The following EZH2 variants were observed in gnomAD, a reference collection of about 807,000 sequenced individuals.
The protein encoded by EZH2 is histone-lysine N-methyltransferase EZH2.
In EZH2, 18 loss-of-function variants were observed where a neutral mutation model predicts 98.4. That is an observed-to-expected ratio of 0.18 (90% confidence interval 0.13 to 0.27). The LOEUF is 0.27. Among genes scored for constraint, EZH2 ranks in the 10% least tolerant of loss-of-function variants. The pLI, the probability that EZH2 is intolerant of heterozygous loss-of-function variation, is 1.00. For missense variants in EZH2, 470 were observed against 935.1 expected (o/e 0.50, Z 6.49); for synonymous variants, 338 against 312.3 (o/e 1.08, Z -0.87).
intron 1 of EZH2, chr7:148,883,156 A>G (rs1821253243): frequency 6.6e-6 from 1 of 152,218 alleles, no homozygotes; most frequent in African/African-American, 2.4e-5. Flanking sequence ...AACAGCTTGT[A>G]ATGTTTAAGG....
intron 5 of EZH2, 36 bp from the exon 6 acceptor site, chr7:148,828,916 A>T: frequency 1.9e-6 from 3 of 1,566,838 alleles, no homozygotes; most frequent in Non-Finnish European, 2.6e-6. Flanking sequence ...ACACAGGAGA[A>T]GCAATAATGT....
At chr7:148,838,959 C>T (rs577456471) in intron 3 of EZH2, among the ~76,000 whole-genome samples, 3 of 151,928 alleles carry the variant, frequency 2.0e-5, no homozygotes, top group Admixed American at 6.6e-5. Context: ...GGCCAAGGCA[C>T]AAGAATAGCT....
Position 148,828,826 on chromosome 7 carries a change from T to C in EZH2, c.539A>G (p.Gln180Arg). Residue 180 changes from glutamine (Q) to arginine (R), a missense_variant, in exon 6 of 20, where the codon CAA becomes CGA. Gln to Arg is a conservative substitution (Grantham distance 43). This residue lies in a region of EZH2 where 69 missense variants were observed against 78.3 expected (regional missense o/e 0.88). Transcript: ENST00000320356. ...IFVELVNALG[Q>R]YNDDDDDDDG... ...ATCATCATCGTCATCATCATTATAT[T>C]GACCAAGGGCATTCACCAACTCCAC... 1.2e-6 allele frequency: 2 copies of C among 1,613,790 alleles called. No individual in the cohort carries two copies. The highest frequency in any genetic ancestry group is 1.7e-6 in the Non-Finnish European group (2 of 1,179,948).
chr7:148,832,520 G>A, intron 4 of EZH2, 114 bp downstream of exon 4: 1 of 632,300 alleles, frequency 1.6e-6, no homozygotes, highest in Non-Finnish European at 2.7e-6. Flanking sequence ...GTGTTATTTT[G>A]ATAGCTTTTT....
intron 1 of EZH2, among the ~76,000 whole-genome samples, chr7:148,875,151 C>G (rs1034509896): frequency 3.3e-5 from 5 of 152,078 alleles, no homozygotes; most frequent in Non-Finnish European, 7.4e-5. Flanking sequence ...ATCCATACAC[C>G]TAACAGCATA....
intron 1 of EZH2, among the ~76,000 whole-genome samples, chr7:148,849,549 AGT>A (rs1815129810): frequency 6.6e-6 from 1 of 152,154 alleles, no homozygotes; most frequent in Non-Finnish European, 1.5e-5. Flanking sequence ...AAAGTTTCCA[AGT>A]GTGGCCTTGC....
intron 1 of EZH2, among the ~76,000 whole-genome samples, chr7:148,847,873 T>C (rs1814570912): frequency 6.6e-6 from 1 of 152,244 alleles, no homozygotes; most frequent in Non-Finnish European, 1.5e-5. Context: ...TATTTTTGCC[T>C]CTTGTGCCAC....
chr7:148,876,427 C>CAAAT (rs1300106724), intron 1 of EZH2: 1 of 152,160 alleles, frequency 6.6e-6, no homozygotes, highest in African/African-American at 2.4e-5. Context: ...TCATACCCTT[C>CAAAT]AAATGTGTGC....
At position 148,809,160 on chromosome 7, in the gene EZH2, A is replaced by G. The variant is rs1033841300; in HGVS notation, c.2111-5T>C. 1.9e-6 allele frequency: 3 copies of G among 1,614,024 alleles called. No individual in the cohort carries two copies. The highest frequency in any genetic ancestry group is 8.5e-7 in the Non-Finnish European group (1 of 1,179,872). On this transcript the variant is annotated splice_polypyrimidine_tract_variant and splice_region_variant and intron_variant, in intron 18 of 19. Coordinates refer to ENST00000320356, the MANE Select transcript of EZH2 (RefSeq NM_004456.5). Reference sequence around the variant, plus strand: ...GATCACCGTTAACCATCATAACTGCAAAGAGACACACTGGTGTCAGTGAGC... The same window carrying G: ...GATCACCGTTAACCATCATAACTGCGAAGAGACACACTGGTGTCAGTGAGC...
intron 5 of EZH2, among the ~76,000 whole-genome samples, chr7:148,829,100 C>T (rs903079235): frequency 1.3e-5 from 2 of 152,042 alleles, no homozygotes; most frequent in African/African-American, 4.8e-5. Flanking sequence ...TAGAATGGCC[C>T]CTCCCCAAAA....
rs184321750 is a variant in EZH2, at chr7:148,826,940, G to T, written c.728+224C>A. Among the ~76,000 whole-genome samples, 312 of 152,278 alleles carry T rather than the reference G, an allele frequency of 2.0e-3. 2 individuals are homozygous for T. Among genetic ancestry groups the T allele is most frequent in the Non-Finnish European group, 3.2e-3 (216 of 68,022 alleles). On this transcript the variant is annotated intron_variant, in intron 7 of 19. Coordinates refer to ENST00000320356, the MANE Select transcript of EZH2 (RefSeq NM_004456.5). ...TACTGTAAATTTTATGTATATGTGT[G>T]TGTTTATGTGTATATATAAATTATA...
rs1359111077 is a variant in EZH2 at position 148,881,951 on chromosome 7, TACACACACACACACGCGCGCGCACAC to T, written c.-8+2187_-8+2212del. ...TCTGTCTCAAAAAAAAAAAAACATATACACACACACACACGCGCGCGCACACACACACACACACACACACACACATA... is the reference window on the plus strand; with the variant it reads ...TCTGTCTCAAAAAAAAAAAAACATATACACACACACACACACACACACATA... On this transcript the variant is annotated intron_variant, in intron 1 of 19. Transcript: ENST00000320356. Among the ~76,000 whole-genome samples, 11 of 109,822 alleles carry T rather than the reference TACACACACACACACGCGCGCGCACAC, an allele frequency of 1.0e-4. No individual in the cohort carries two copies. The East Asian group carries it at 1.0e-3, about 10-fold the overall frequency. The allele number at this position is 109,822 out of a possible 152,430, so 72.0% of individuals were successfully genotyped here. A position where few individuals can be genotyped will look rare whatever the true frequency, so the allele number is the denominator to read the frequency against.
At chr7:148,876,358 A>G (rs1820168703) in intron 1 of EZH2, 1 of 152,150 alleles carries the variant, frequency 6.6e-6, no homozygotes, top group South Asian at 2.1e-4. Context: ...GATGGCAACC[A>G]TTATAGATCT....
chr7:148,857,991 T>TA (rs573926320), intron 1 of EZH2, among the ~76,000 whole-genome samples: 9,671 of 144,662 alleles, frequency 0.067, 352 homozygotes, highest in African/African-American at 0.11. Context: ...AACATAGGAT[T>TA]AAAAAAAAAA....
intron 1 of EZH2, among the ~76,000 whole-genome samples, chr7:148,879,472 C>T (rs1259859040): frequency 1.3e-5 from 2 of 151,578 alleles, no homozygotes; most frequent in Non-Finnish European, 2.9e-5. Flanking sequence ...AGGTGGATCA[C>T]CTGAGGTCGG....
chr7:148,861,900 T>G (rs1167507197), intron 1 of EZH2, among the ~76,000 whole-genome samples: 2 of 152,198 alleles, frequency 1.3e-5, no homozygotes, highest in Non-Finnish European at 2.9e-5. Flanking sequence ...TCGTAACTGT[T>G]TCTGCATTCA....
At chr7:148,817,624 A>C (rs1467385241) in intron 10 of EZH2, 2 of 669,678 alleles carry the variant, frequency 3.0e-6, no homozygotes, top group African/African-American at 1.8e-5. Context: ...AGATCGAAAA[A>C]AGAAAATGGC....
chr7:148,882,101 A>AT (rs1821089636), intron 1 of EZH2, among the ~76,000 whole-genome samples: 1 of 152,186 alleles, frequency 6.6e-6, no homozygotes, highest in Admixed American at 6.5e-5. Context: ...TACAGAATTA[A>AT]TAGTAACTAA....
chr7:148,879,123 G>C (rs960655739), intron 1 of EZH2, among the ~76,000 whole-genome samples: 2 of 151,538 alleles, frequency 1.3e-5, no homozygotes, highest in Non-Finnish European at 2.9e-5. Flanking sequence ...TACTCGGGAG[G>C]CTGAGGTAGG....
Sources: gnomAD v4.1 joint callset for allele counts (sites outside exome capture counted in the v4.1 genomes callset) on GRCh38, gnomAD v4.1.1 for gene constraint, gnomAD v4.1.1 regional missense constraint, MANE v1.5 for transcripts, NCBI Gene and HGNC (gene_info 2026-07-23, HGNC 2026-07-21) for gene names.